The following KRT71 variants were observed in gnomAD, a reference collection of about 807,000 sequenced individuals.
The protein encoded by KRT71 is keratin 71, also known as keratin, type II cytoskeletal 71.
In KRT71, 42 loss-of-function variants were observed where a neutral mutation model predicts 46.2. That is an observed-to-expected ratio of 0.91 (90% CI 0.71 to 1.18). The LOEUF (loss-of-function observed/expected upper bound fraction) is 1.18. Ranked by LOEUF, KRT71 falls within the 50% of genes most tolerant of loss-of-function variation. The pLI is 0.00. For missense variants in KRT71, 708 were observed against 677.9 expected (o/e 1.04, Z -0.49); for synonymous variants, 292 against 277.8 (o/e 1.05, Z -0.51).
chr12:52,549,242 C>T (rs1354814582), intron 3 of KRT71, 51 bp downstream of exon 3: 1 of 1,419,472 alleles, frequency 7.0e-7, no homozygotes, highest in African/African-American at 1.4e-5. Flanking sequence ...AGGCTCTGTT[C>T]CTCCAGGTCC....
intron 6 of KRT71, among the ~76,000 whole-genome samples, chr12:52,547,254 G>A (rs1212946563): frequency 1.3e-5 from 2 of 152,178 alleles, no homozygotes; most frequent in East Asian, 1.9e-4. Context: ...CAGGGTCTTG[G>A]TGAGGATGAA....
At position 52,550,245 on chromosome 12, in the gene KRT71, T is replaced by G. The variant is rs768522399; in HGVS notation, c.442-2A>C. 7 of 1,613,914 alleles carry G rather than the reference T, an allele frequency of 4.3e-6. No homozygotes were observed. The highest frequency in any genetic ancestry group is 5.9e-6 in the Non-Finnish European group (7 of 1,180,034). On this transcript the variant is annotated splice_acceptor_variant, in intron 1 of 8. Coordinates refer to ENST00000267119, the MANE Select transcript of KRT71 (RefSeq NM_033448.3). LOFTEE classifies it high-confidence loss of function. ...GTTCTGCTGCTCCAGGAACCGCACC[T>G]GGAACCCAGATCCCAGAAACTGCTG...
Position 52,548,279 on chromosome 12 carries a change from G to C in KRT71, c.851C>G (p.Ser284Cys). 6.2e-7 allele frequency: 1 copy of C among 1,613,972 alleles called. No individual in the cohort carries two copies. The highest frequency in any genetic ancestry group is 8.5e-7 in the Non-Finnish European group (1 of 1,179,870). The stretch of plus-strand genomic sequence containing the variant: ...GTTGTTGTCCATGGACAGGATGACA[G>C]ACATGTCACTGATGTGGGACTGGAT... ...TQIQSHISDMSVILSMDNNRN... is the reference protein window; with the variant it reads ...TQIQSHISDMCVILSMDNNRN... Residue 284 changes from serine to cysteine, a missense_variant, in exon 5 of 9, where the codon TCT (serine) becomes TGT (cysteine). Transcript: ENST00000267119.
At position 52,544,438 on chromosome 12, in the gene KRT71, A is replaced by G; in HGVS notation, c.*94T>C. On this transcript the variant is annotated 3_prime_UTR_variant, in exon 9 of 9. Transcript: ENST00000267119. ...CCAGGTGTATGGGAGCAGGACCAGC[A>G]GGGTGGAGATGGAGCTGAGAGTGGG... The G allele has an allele frequency of 8.8e-7, 1 of 1,134,058 alleles. No individual in the cohort carries two copies. 70.2% of individuals were successfully genotyped at this position (1,134,058 alleles called of 1,614,324 possible). A position where few individuals can be genotyped will look rare whatever the true frequency, so the allele number is the denominator to read the frequency against.
chr12:52,547,428 T>C (rs1939075713), intron 6 of KRT71, among the ~76,000 whole-genome samples: 1 of 152,164 alleles, frequency 6.6e-6, no homozygotes, highest in Non-Finnish European at 1.5e-5. Flanking sequence ...TCCATCTCAG[T>C]CATTAACTCC....
At position 52,552,880 on chromosome 12, in the gene KRT71, A is replaced by G. The variant is rs1342653045; in HGVS notation, c.198T>C (p.Ser66=). The change falls in exon 1 of 9, where the codon AGT becomes AGC. Residue 66 remains serine (S), a synonymous_variant. Coordinates refer to ENST00000267119, the MANE Select transcript of KRT71 (RefSeq NM_033448.3). ...SLNVASGSGK[S]GGYGFGRGRA... ...GGCCCCGGCCAAATCCATAGCCTCC[A>G]CTCTTCCCGCTGCCACTGGCCACAT... 1.2e-6 allele frequency: 2 copies of G among 1,613,446 alleles called. No homozygotes were observed. The highest frequency in any genetic ancestry group is 8.5e-7 in the Non-Finnish European group (1 of 1,179,846).
intron 3 of KRT71, among the ~76,000 whole-genome samples, 172 bp from the exon 4 acceptor site, chr12:52,548,968 T>G (rs1939110930): frequency 2.0e-5 from 3 of 150,440 alleles, no homozygotes; most frequent in Admixed American, 6.6e-5. Context: ...ACCCTGGGAA[T>G]CTGTTCCCTC....
Position 52,547,967 on chromosome 12 carries a change from G to C in KRT71, c.994C>G (p.Leu332Val). The change falls in exon 6 of 9, where the codon CTG becomes GTG. Residue 332 changes from leucine (L) to valine (V), a missense_variant. Transcript: ENST00000267119. ...TCGTCCCCATGCCTGCCAGCTGCCA[G>C]CTGAAGCTCTTGGAACTGGGGACCC... ...LYQTKFQELQ[L>V]AAGRHGDDLK... 2.5e-6 allele frequency: 4 copies of C among 1,613,738 alleles called. No individual in the cohort carries two copies. The highest frequency in any genetic ancestry group is 3.4e-6 in the Non-Finnish European group (4 of 1,179,902).
chr12:52,549,479 G>A (rs1192768641), intron 2 of KRT71, 126 bp from the exon 3 acceptor site: 1 of 778,964 alleles, frequency 1.3e-6, no homozygotes, highest in African/African-American at 1.7e-5. Context: ...CAGAGTACTG[G>A]GCAGGGGTAA....
At chr12:52,546,014 G>A (rs188901013) in intron 7 of KRT71, among the ~76,000 whole-genome samples, 4 of 151,852 alleles carry the variant, frequency 2.6e-5, no homozygotes, top group East Asian at 1.9e-4. Context: ...GGAGCAGGGC[G>A]GTGGTTGTTT....
rs1324383690 is a variant in KRT71 at position 52,548,325 on chromosome 12, G to A, written c.814-9C>T. On this transcript the variant is annotated splice_polypyrimidine_tract_variant and intron_variant, in intron 4 of 8. Coordinates refer to ENST00000267119, the MANE Select transcript of KRT71 (RefSeq NM_033448.3). ...TGGATCTGAGTGATCTCCTGCAGGG[G>A]ACACAGAAATGGTCTCTCGGCTCAA... is the stretch of plus-strand genomic sequence containing the variant. 1.2e-6 allele frequency: 2 copies of A among 1,602,898 alleles called. No individual in the cohort carries two copies. Among genetic ancestry groups the A allele is most frequent in the African/African-American group, 2.7e-5 (2 of 74,700 alleles).
chr12:52,544,224 G>T lies in KRT71; in HGVS notation c.*308C>A, dbSNP rs1002367025. ...CAGGGAGCCCAGCAGAGTAGTTAGCGACTGCGCTAGAGGCCGGGCAGAGGA... is the reference window on the plus strand; with the variant it reads ...CAGGGAGCCCAGCAGAGTAGTTAGCTACTGCGCTAGAGGCCGGGCAGAGGA... On this transcript the variant is annotated 3_prime_UTR_variant, in exon 9 of 9. Coordinates refer to ENST00000267119, the MANE Select transcript of KRT71 (RefSeq NM_033448.3). 1.1e-5 allele frequency: 5 copies of T among 450,822 alleles called. No individual in the cohort carries two copies. The highest frequency in any genetic ancestry group is 6.1e-4 in the Middle Eastern group (1 of 1,628). The allele number at this position is 450,822 out of a possible 1,614,324, so 27.9% of individuals were successfully genotyped here.
intron 3 of KRT71, 152 bp from the exon 4 acceptor site, chr12:52,548,948 A>T: frequency 3.0e-6 from 2 of 666,752 alleles, no homozygotes; most frequent in Non-Finnish European, 5.1e-6. Flanking sequence ...GCCCAGCCCT[A>T]CCCCACCCCA....
intron 1 of KRT71, 63 bp downstream of exon 1, chr12:52,552,574 C>T (rs1228282113): frequency 1.1e-5 from 16 of 1,487,772 alleles, no homozygotes; most frequent in South Asian, 9.1e-5. Context: ...GTAACAAAAT[C>T]GTATGTTCCA....
intron 1 of KRT71, among the ~76,000 whole-genome samples, chr12:52,551,837 C>T (rs1044547852): frequency 1.3e-5 from 2 of 152,216 alleles, no homozygotes; most frequent in African/African-American, 4.8e-5. Context: ...CCTATCTGGA[C>T]TGTGTCATCT....
chr12:52,552,102 G>T (rs1939181233), intron 1 of KRT71, among the ~76,000 whole-genome samples: 1 of 152,212 alleles, frequency 6.6e-6, no homozygotes, highest in South Asian at 2.1e-4. Context: ...ACTCAGCTGT[G>T]GCCAGCAGTG....
At chr12:52,545,138 T>C (rs764176515) in intron 8 of KRT71, among the ~76,000 whole-genome samples, 1 of 152,214 alleles carries the variant, frequency 6.6e-6, no homozygotes, top group Non-Finnish European at 1.5e-5. Flanking sequence ...CTTTTAGCCC[T>C]GCTAAGCAAT....
At position 52,545,592 on chromosome 12, in the gene KRT71, C is replaced by T; in HGVS notation, c.1333G>A (p.Gly445Arg). The change falls in exon 8 of 9, where the codon GGA becomes AGA. Residue 445 changes from glycine (G) to arginine (R), a missense_variant. Gly to Arg is a moderately radical substitution (Grantham distance 125). Coordinates refer to ENST00000267119, the MANE Select transcript of KRT71 (RefSeq NM_033448.3). ...ATGCTGACAGGGGAGGGAAATTCTCCTGACATCCTATTAAGGAGAGAAATA... is the reference window on the plus strand; with the variant it reads ...ATGCTGACAGGGGAGGGAAATTCTCTTGACATCCTATTAAGGAGAGAAATA... ...LLESEECRMS[G>R]EFPSPVSISI... 1 of 1,544,202 alleles carries T rather than the reference C, an allele frequency of 6.5e-7. No individual in the cohort carries two copies. The highest frequency in any genetic ancestry group is 1.1e-5 in the South Asian group (1 of 88,024).
At chr12:52,552,200 CAG>C (rs1225026555) in intron 1 of KRT71, among the ~76,000 whole-genome samples, 5 of 152,254 alleles carry the variant, frequency 3.3e-5, no homozygotes, top group African/African-American at 1.2e-4. Flanking sequence ...AATGCCCAAT[CAG>C]AGGGCCTGAA....
Sources: gnomAD v4.1 joint callset for allele counts (sites outside exome capture counted in the v4.1 genomes callset) on GRCh38, gnomAD v4.1.1 for gene constraint, MANE v1.5 for transcripts, NCBI Gene and HGNC (gene_info 2026-07-23, HGNC 2026-07-21) for gene names.